IQSEC1: variants seen among roughly 807,000 people sequenced by gnomAD.
IQSEC1 encodes IQ motif and Sec7 domain ArfGEF 1.
A neutral mutation model predicts 91.0 loss-of-function variants in IQSEC1; 31 were observed. The observed-to-expected ratio is 0.34, with a 90% CI of 0.26 to 0.46. The LOEUF (loss-of-function observed/expected upper bound fraction) is 0.46, where lower values mean the gene tolerates loss of function less well. Among genes scored for constraint, IQSEC1 ranks in the 20% least tolerant of loss-of-function variants. IQSEC1 has a pLI of 1.00. For missense variants in IQSEC1, 1,388 were observed against 1,575.6 expected (o/e 0.88, Z 2.02); for synonymous variants, 699 against 662.6 (o/e 1.05, Z -0.84).
At chr3:13,225,594 T>G (rs1268976379) in intron 1 of IQSEC1, among the ~76,000 whole-genome samples, 1 of 152,178 alleles carries the variant, frequency 6.6e-6, no homozygotes, top group Non-Finnish European at 1.5e-5. Flanking sequence ...CCCTAACATG[T>G]GCTAGACACA....
At chr3:13,039,955 C>A (rs1468775577) in intron 1 of IQSEC1, among the ~76,000 whole-genome samples, 1 of 152,254 alleles carries the variant, frequency 6.6e-6, no homozygotes, top group Non-Finnish European at 1.5e-5. Context: ...TCTCCCCGTG[C>A]TTTGGTTTCT....
Position 13,174,171 on chromosome 3 carries a change from C to T in IQSEC1, c.273-10038G>A, listed in dbSNP as rs151260817. 3.5e-4 allele frequency among the ~76,000 whole-genome samples: 54 copies of T among 152,302 alleles called. No homozygotes were observed. In the East Asian group the frequency reaches 9.5e-3, roughly 27 times the overall value. Reference sequence around the variant, plus strand: ...CAGACCCTGGAATCTGAATCTTGTGCACACAGAAGTAAGAAGCAGGTGAGG... The same window carrying T: ...CAGACCCTGGAATCTGAATCTTGTGTACACAGAAGTAAGAAGCAGGTGAGG... On this transcript the variant is annotated intron_variant, in intron 1 of 15. Coordinates refer to the IQSEC1 transcript ENST00000648114.
At chr3:12,932,405 G>A (rs2125277602) in intron 3 of IQSEC1, among the ~76,000 whole-genome samples, 1 of 152,330 alleles carries the variant, frequency 6.6e-6, no homozygotes, top group South Asian at 2.1e-4. Context: ...AGTGGCCAGG[G>A]TGTGACGTCC....
At chr3:13,082,595 C>G (rs1420031991) in intron 2 of IQSEC1, among the ~76,000 whole-genome samples, 10 of 152,228 alleles carry the variant, frequency 6.6e-5, no homozygotes, top group Non-Finnish European at 1.5e-4. Flanking sequence ...TCACTGGGCT[C>G]TCAGCATCTC....
At chr3:13,101,955 G>A (rs1706072152) in intron 2 of IQSEC1, among the ~76,000 whole-genome samples, 1 of 151,022 alleles carries the variant, frequency 6.6e-6, no homozygotes, top group Admixed American at 6.6e-5. Context: ...TGGGAGGGAG[G>A]GTGTGCAGTG....
intron 1 of IQSEC1, among the ~76,000 whole-genome samples, chr3:13,249,552 G>A (rs531478644): frequency 2.0e-5 from 3 of 152,192 alleles, no homozygotes; most frequent in Admixed American, 1.3e-4. Flanking sequence ...CATGCTCATC[G>A]GCTTATGTTC....
intron 2 of IQSEC1, among the ~76,000 whole-genome samples, chr3:13,153,537 C>A (rs748692): frequency 0.54 from 82,687 of 151,832 alleles, 22,742 homozygotes; most frequent in Middle Eastern, 0.6. Flanking sequence ...CAGCCCCAGT[C>A]CCCAGCCTAC....
At chr3:12,906,754 G>C (rs1695031150) in intron 12 of IQSEC1, among the ~76,000 whole-genome samples, 1 of 152,244 alleles carries the variant, frequency 6.6e-6, no homozygotes, top group Non-Finnish European at 1.5e-5. Context: ...TGACTGCTGG[G>C]CCCTGGGGCG....
At position 12,941,853 on chromosome 3, in the gene IQSEC1, C is replaced by T. The variant is rs1211301327; in HGVS notation, c.36G>A (p.Glu12=). 1.3e-6 allele frequency: 2 copies of T among 1,599,396 alleles called. No individual in the cohort carries two copies. Among genetic ancestry groups the T allele is most frequent in the Non-Finnish European group, 1.7e-6 (2 of 1,173,560 alleles). Residue 12 remains glutamate (E), a synonymous_variant, in exon 2 of 14, where the codon GAG becomes GAA. Transcript: ENST00000613206. ...ACRRRYFVEG[E]APSSETGTSL... ...ATGTGCCAGTCTCACTGCTGGGGGC[C>T]TCGCCCTCGACGCTGCAGAGGAGAG...
intron 1 of IQSEC1, among the ~76,000 whole-genome samples, chr3:13,247,283 T>G (rs1219020767): frequency 6.6e-6 from 1 of 152,176 alleles, no homozygotes; most frequent in Non-Finnish European, 1.5e-5. Context: ...CAGGACGTGC[T>G]GGGATTTCTC....
chr3:13,050,627 C>T (rs1447635781), intron 1 of IQSEC1, among the ~76,000 whole-genome samples: 1 of 152,216 alleles, frequency 6.6e-6, no homozygotes, highest in Non-Finnish European at 1.5e-5. Flanking sequence ...CCAGCTATGC[C>T]ACCTACTAGC....
intron 1 of IQSEC1, among the ~76,000 whole-genome samples, chr3:13,010,897 C>T (rs780807039): frequency 1.1e-4 from 16 of 152,022 alleles, no homozygotes; most frequent in Admixed American, 1.3e-4. Context: ...CATGAAGACT[C>T]GACCTACAGT....
intron 6 of IQSEC1, among the ~76,000 whole-genome samples, chr3:12,920,042 T>C (rs1158106657): frequency 6.6e-6 from 1 of 152,236 alleles, no homozygotes; most frequent in Non-Finnish European, 1.5e-5. Context: ...ACTTTCTACA[T>C]GTGGCAAATG....
Position 12,935,324 on chromosome 3 carries a change from C to T in IQSEC1, c.1568+124G>A. The T allele has an allele frequency of 3.2e-6, 3 of 935,120 alleles. No individual in the cohort carries two copies. Among genetic ancestry groups the T allele is most frequent in the Middle Eastern group, 6.3e-4 (2 of 3,186 alleles). The allele number at this position is 935,120 out of a possible 1,614,324, so 57.9% of individuals were successfully genotyped here. A position where few individuals can be genotyped will look rare whatever the true frequency, so the allele number is the denominator to read the frequency against. ...CCTAGCCACCGACCTTGTGTGGCAG[C>T]TTCCTATGCTCATAGGCCACGGTGG... On this transcript the variant is annotated intron_variant, in intron 3 of 13. Transcript: ENST00000613206. The surrounding 1 kb of genome is among the most constrained non-coding windows in gnomAD (Gnocchi z 8.0).
intron 1 of IQSEC1, among the ~76,000 whole-genome samples, chr3:13,240,167 C>T (rs1374514090): frequency 2.0e-5 from 3 of 151,784 alleles, no homozygotes; most frequent in Non-Finnish European, 4.4e-5. Flanking sequence ...TCACTTGAGG[C>T]CAGGAGTTTA....
At chr3:13,146,203 T>A (rs1014001957) in intron 2 of IQSEC1, among the ~76,000 whole-genome samples, 2 of 151,732 alleles carry the variant, frequency 1.3e-5, no homozygotes, top group Non-Finnish European at 2.9e-5. Flanking sequence ...CCCAGGCTGG[T>A]CTTGAACTCC....
rs1423053529 is a variant in IQSEC1, at chr3:12,967,275, C to T, written c.24-25410G>A. On this transcript the variant is annotated intron_variant, in intron 1 of 13. Coordinates refer to ENST00000613206, the MANE Select transcript of IQSEC1 (RefSeq NM_001134382.3). The surrounding 1 kb of genome is among the most constrained non-coding windows in gnomAD (Gnocchi z 5.9). The stretch of plus-strand genomic sequence containing the variant: ...CCGCAGGCAGCTTTCTCTCGCACGC[C>T]GGGCGCCCGGTCCCGACGGTCACCC... 1.1e-6 allele frequency: 1 copy of T among 912,376 alleles called. No individual in the cohort carries two copies. The highest frequency in any genetic ancestry group is 3.1e-5 in the East Asian group (1 of 31,928). 56.5% of individuals were successfully genotyped at this position (912,376 alleles called of 1,614,324 possible).
intron 1 of IQSEC1, among the ~76,000 whole-genome samples, chr3:13,206,000 A>T (rs1323118780): frequency 7.1e-6 from 1 of 141,284 alleles, no homozygotes. Flanking sequence ...TCATCTACTC[A>T]TCCATCTTTC....
chr3:13,185,175 C>A (rs1002829855), intron 1 of IQSEC1, among the ~76,000 whole-genome samples: 1 of 152,168 alleles, frequency 6.6e-6, no homozygotes, highest in Non-Finnish European at 1.5e-5. Context: ...CTGCTGTGAC[C>A]TGCGGCCTGA....
Sources: allele counts gnomAD v4.1 joint callset (sites outside exome capture counted in the v4.1 genomes callset), GRCh38; gene constraint gnomAD v4.1.1; non-coding constraint Gnocchi (gnomAD v3.1); transcripts MANE v1.5; gene names NCBI Gene and HGNC (gene_info 2026-07-23, HGNC 2026-07-21).